NCAM2: variants seen among roughly 807,000 people sequenced by gnomAD.
NCAM2 encodes the protein neural cell adhesion molecule 2.
In NCAM2, 30 loss-of-function variants were observed where a neutral mutation model predicts 98.1. The observed-to-expected ratio is 0.31, with a 90% CI of 0.23 to 0.41. The LOEUF (loss-of-function observed/expected upper bound fraction) is 0.41. Among genes scored for constraint, NCAM2 ranks in the 10% least tolerant of loss-of-function variants. The probability of loss-of-function intolerance (pLI) is 1.00; values close to 1 mark genes in which losing one functional copy is unlikely to be tolerated. For synonymous variants in NCAM2, 368 were observed against 342.4 expected, an observed-to-expected ratio of 1.07 and a Z score of -0.83; for missense variants, 867 against 1,005.8, an observed-to-expected ratio of 0.86 and a Z score of 1.87.
At chr21:21,436,334 T>C (rs1477864203) in intron 12 of NCAM2, among the ~76,000 whole-genome samples, 1 of 152,220 alleles carries the variant, frequency 6.6e-6, no homozygotes, top group Admixed American at 6.5e-5. Context: ...GTCCTTTTAA[T>C]ACTTCCCAGA....
chr21:21,377,987 C>G (rs1176610841), intron 9 of NCAM2, among the ~76,000 whole-genome samples: 1 of 151,976 alleles, frequency 6.6e-6, no homozygotes, highest in African/African-American at 2.4e-5. Context: ...CCTCTAGATT[C>G]ATCCATGTTG....
At chr21:21,131,750 C>T (rs879270382) in intron 1 of NCAM2, among the ~76,000 whole-genome samples, 5 of 151,946 alleles carry the variant, frequency 3.3e-5, no homozygotes, top group African/African-American at 4.8e-5. Context: ...AAATTGTATG[C>T]TTCTCAATTT....
intron 1 of NCAM2, among the ~76,000 whole-genome samples, chr21:21,160,476 A>G (rs1300246984): frequency 6.6e-6 from 1 of 152,038 alleles, no homozygotes; most frequent in Non-Finnish European, 1.5e-5. Flanking sequence ...ATATTTATTT[A>G]TTACAAAATA....
At chr21:21,315,340 T>A (rs1462790566) in intron 5 of NCAM2, among the ~76,000 whole-genome samples, 1 of 152,182 alleles carries the variant, frequency 6.6e-6, no homozygotes, top group Admixed American at 6.5e-5. Context: ...GTGGATGCCT[T>A]CCTAAGACCT....
chr21:21,219,588 C>T (rs2070052674), intron 1 of NCAM2, among the ~76,000 whole-genome samples: 1 of 152,190 alleles, frequency 6.6e-6, no homozygotes, highest in African/African-American at 2.4e-5. Context: ...AAACGCATAG[C>T]ACATACTTTT....
chr21:21,146,610 T>C (rs1313175667), intron 1 of NCAM2, among the ~76,000 whole-genome samples: 1 of 150,278 alleles, frequency 6.7e-6, no homozygotes, highest in African/African-American at 2.4e-5. Flanking sequence ...TGTGTGTGTT[T>C]TTCCTTTACT....
chr21:21,257,391 C>T (rs1303091274), intron 1 of NCAM2, among the ~76,000 whole-genome samples: 2 of 152,190 alleles, frequency 1.3e-5, no homozygotes, highest in East Asian at 3.9e-4. Context: ...TTCAGGAACC[C>T]TTGATGGCAG....
At chr21:21,529,588 C>G (rs1445786681) in intron 16 of NCAM2, among the ~76,000 whole-genome samples, 1 of 151,952 alleles carries the variant, frequency 6.6e-6, no homozygotes, top group African/African-American at 2.4e-5. Context: ...CTAAACTAAT[C>G]ATTCTCGAAG....
rs141911156 is a variant in NCAM2, at chr21:21,069,799, G to T, written c.55+71181G>T. On this transcript the variant is annotated intron_variant, in intron 1 of 17. Transcript: ENST00000400546. ...ACGTTTCTTATTTCCAACTCCTCTCGATGTCTACCTGGAAACCTTTCCAAT... is the reference window on the plus strand; with the variant it reads ...ACGTTTCTTATTTCCAACTCCTCTCTATGTCTACCTGGAAACCTTTCCAAT... 2.4e-3 allele frequency among the ~76,000 whole-genome samples: 370 copies of T among 152,148 alleles called. 3 individuals are homozygous for T. Among genetic ancestry groups the T allele is most frequent in the African/African-American group, 8.6e-3 (357 of 41,524 alleles).
At chr21:21,356,661 C>G (rs1306069388) in intron 8 of NCAM2, among the ~76,000 whole-genome samples, 1 of 152,110 alleles carries the variant, frequency 6.6e-6, no homozygotes, top group Non-Finnish European at 1.5e-5. Flanking sequence ...TTTATATTGG[C>G]ATGTGCTAAT....
chr21:21,238,282 G>T (rs1376172117), intron 1 of NCAM2, among the ~76,000 whole-genome samples: 1 of 151,842 alleles, frequency 6.6e-6, no homozygotes, highest in Non-Finnish European at 1.5e-5. Context: ...ATTTTAATTT[G>T]CCTTAAGAAC....
In NCAM2 at chr21:21,088,414, A is replaced by G. The variant is rs114586148; in HGVS notation, c.55+89796A>G. Among the ~76,000 whole-genome samples the G allele has an allele frequency of 9.4e-3, 1,432 of 152,320 alleles. 22 individuals carry two copies. The highest frequency in any genetic ancestry group is 0.031 in the African/African-American group (1,294 of 41,572). ...TATATGTAATTGTGTATATGGCCGT[A>G]GGTTTTTAAGAAAATATGCTGGGTT... On this transcript the variant is annotated intron_variant, in intron 1 of 17. Coordinates refer to ENST00000400546, the MANE Select transcript of NCAM2 (RefSeq NM_004540.5).
At chr21:21,140,715 C>A (rs557931383) in intron 1 of NCAM2, among the ~76,000 whole-genome samples, 20 of 151,212 alleles carry the variant, frequency 1.3e-4, no homozygotes, top group Admixed American at 1.1e-3. Flanking sequence ...TTGTTCAGAC[C>A]ACCATGAAGA....
chr21:21,306,061 T>G (rs555372040), intron 5 of NCAM2, among the ~76,000 whole-genome samples: 27 of 152,138 alleles, frequency 1.8e-4, no homozygotes, highest in Non-Finnish European at 2.6e-4. Flanking sequence ...CCAGAGATAG[T>G]TCTGTCATGA....
chr21:21,434,732 A>T (rs1380674982), intron 12 of NCAM2, among the ~76,000 whole-genome samples: 1 of 152,186 alleles, frequency 6.6e-6, no homozygotes, highest in Non-Finnish European at 1.5e-5. Flanking sequence ...TTCCAGAATA[A>T]ACAGTTCAGC....
chr21:21,480,745 C>A lies in NCAM2; in HGVS notation c.2077+3274C>A, dbSNP rs542604504. 3.3e-5 allele frequency among the ~76,000 whole-genome samples: 5 copies of A among 152,168 alleles called. No homozygotes were observed. In the East Asian group the frequency reaches 9.6e-4, roughly 29 times the overall value. On this transcript the variant is annotated intron_variant, in intron 15 of 17. Transcript: ENST00000400546. The stretch of plus-strand genomic sequence containing the variant: ...GTAAGAGCAACTGATGGATGAACAG[C>A]GGTAGAAAAAATAAAAGAACGAAAA...
intron 13 of NCAM2, among the ~76,000 whole-genome samples, chr21:21,467,000 T>C (rs1983767481): frequency 6.6e-6 from 1 of 152,076 alleles, no homozygotes; most frequent in Non-Finnish European, 1.5e-5. Flanking sequence ...TTCTTACTTA[T>C]GGTCTGATTA....
chr21:21,146,908 T>C (rs1270292095), intron 1 of NCAM2, among the ~76,000 whole-genome samples: 1 of 152,106 alleles, frequency 6.6e-6, no homozygotes, highest in Non-Finnish European at 1.5e-5. Flanking sequence ...TCGCGCCCTG[T>C]CCCACTCCGG....
chr21:21,048,366 T>G (rs2065039674), intron 1 of NCAM2, among the ~76,000 whole-genome samples: 1 of 152,132 alleles, frequency 6.6e-6, no homozygotes, highest in African/African-American at 2.4e-5. Flanking sequence ...TGTATTTTTT[T>G]TTTTGAGACG....
Sources: allele counts gnomAD v4.1 joint callset (sites outside exome capture counted in the v4.1 genomes callset), GRCh38; gene constraint gnomAD v4.1.1; transcripts MANE v1.5; gene names NCBI Gene and HGNC (gene_info 2026-07-23, HGNC 2026-07-21).